Variants in OGG1 observed in about 807,000 individuals in gnomAD.
The protein encoded by OGG1 is N-glycosylase/DNA lyase.
A neutral mutation model predicts 42.3 loss-of-function variants in OGG1; 35 were observed. The ratio of observed to expected loss-of-function variants is 0.83; its 90% CI spans 0.63 to 1.10. The LOEUF (loss-of-function observed/expected upper bound fraction) is 1.10, where lower values mean the gene tolerates loss of function less well. Ranked by LOEUF, OGG1 falls within the 50% of genes least tolerant of loss-of-function variation. The pLI is 0.00. For missense variants in OGG1, 484 were observed against 446.7 expected, an observed-to-expected ratio of 1.08 and a Z score of -0.75; for synonymous variants, 189 against 179.0, an observed-to-expected ratio of 1.06 and a Z score of -0.44.
downstream of OGG1, among the ~76,000 whole-genome samples, chr3:9,770,417 G>C (rs985595505): frequency 6.6e-6 from 1 of 152,076 alleles, no homozygotes; most frequent in African/African-American, 2.4e-5. Context: ...GGGAAGGACC[G>C]GGCAAGACTA....
downstream of OGG1, chr3:9,767,801 A>G: frequency 2.5e-6 from 4 of 1,609,274 alleles, no homozygotes; most frequent in Non-Finnish European, 3.4e-6. Context: ...GAATGGAAGG[A>G]GGAGACTCAG....
At chr3:9,787,723 T>A (rs2078649178) in intron 3 of OGG1, 2 of 1,300,802 alleles carry the variant, frequency 1.5e-6, no homozygotes, top group African/African-American at 3.0e-5. Context: ...TGAACTCTTT[T>A]TCAGATAAAT....
At chr3:9,753,468 C>T (rs1448721229) in intron 3 of OGG1, among the ~76,000 whole-genome samples, 9 of 151,608 alleles carry the variant, frequency 5.9e-5, no homozygotes, top group Admixed American at 2.6e-4. Flanking sequence ...CTGCCTAATA[C>T]GGTGAAACCC....
chr3:9,760,930 T>C (rs900169500), downstream of OGG1: 5 of 1,048,712 alleles, frequency 4.8e-6, no homozygotes, highest in Admixed American at 8.2e-5. Context: ...AGCTACATTA[T>C]CCTTTCTGTT....
At chr3:9,773,142 T>C (rs1168320278) in intron 2 of OGG1, among the ~76,000 whole-genome samples, 2 of 151,654 alleles carry the variant, frequency 1.3e-5, no homozygotes, top group African/African-American at 2.4e-5. Flanking sequence ...GGCAGGAGAA[T>C]TGCTTGAACC....
At chr3:9,763,160 T>C (rs2077970061) in intron 7 of OGG1, 1 of 1,613,820 alleles carries the variant, frequency 6.2e-7, no homozygotes, top group Non-Finnish European at 8.5e-7. Context: ...GAGGTAGAGG[T>C]GGCCCCCACT....
downstream of OGG1, chr3:9,767,826 C>T (rs2078197480): frequency 1.3e-6 from 2 of 1,580,622 alleles, no homozygotes; most frequent in Non-Finnish European, 1.7e-6. Context: ...GCCCAGCCCT[C>T]TGTCTGGGAA....
At chr3:9,764,624 T>G (rs1382241774) in intron 7 of OGG1, among the ~76,000 whole-genome samples, 28 of 129,766 alleles carry the variant, frequency 2.2e-4, no homozygotes, top group African/African-American at 7.6e-4. Flanking sequence ...TTTGTTTTTT[T>G]TTTGTTTTTT....
At chr3:9,760,901 G>C (rs879380741), downstream of OGG1, 5 of 1,321,306 alleles carry the variant, frequency 3.8e-6, no homozygotes, top group Non-Finnish European at 1.0e-6. Flanking sequence ...TACCAGCCCT[G>C]CCTGCTCACT....
At chr3:9,756,067 A>G (rs947373400) in intron 4 of OGG1, among the ~76,000 whole-genome samples, 1 of 152,140 alleles carries the variant, frequency 6.6e-6, no homozygotes, top group African/African-American at 2.4e-5. Context: ...CTGTAATCCC[A>G]GCACTTTGGG....
chr3:9,786,016 G>A (rs1040454023), intron 3 of OGG1, among the ~76,000 whole-genome samples: 3 of 151,392 alleles, frequency 2.0e-5, no homozygotes, highest in South Asian at 4.2e-4. Flanking sequence ...TCGGCTTACT[G>A]CAAGCTCCGC....
At chr3:9,789,684 G>A (rs779064720), downstream of OGG1, 2 of 1,609,238 alleles carry the variant, frequency 1.2e-6, no homozygotes, top group East Asian at 4.5e-5. Flanking sequence ...GAACCTTGAG[G>A]CCCCCTTCTA....
chr3:9,774,799 A>G (rs1008582409), intron 2 of OGG1, among the ~76,000 whole-genome samples: 2 of 152,200 alleles, frequency 1.3e-5, no homozygotes, highest in Non-Finnish European at 2.9e-5. Flanking sequence ...TGGTGGGAAA[A>G]TGATTTGCTA....
downstream of OGG1, chr3:9,760,988 C>A: frequency 1.7e-6 from 1 of 581,956 alleles, no homozygotes; most frequent in Non-Finnish European, 2.9e-6. Context: ...TTGCACTTGC[C>A]ATTGCTTCTG....
In OGG1 at chr3:9,784,820, C is replaced by T. The variant is rs1020734728; in HGVS notation, c.383-2908C>T. ...CGGAGGTTGCAGTGAGCCAAGATTG[C>T]GCCATTGCGCTCCAACCTAAACGAC... On this transcript the variant is annotated intron_variant, in intron 3 of 3. Transcript: ENST00000426518. 6.0e-5 allele frequency among the ~76,000 whole-genome samples: 9 copies of T among 150,840 alleles called. 1 individual carries two copies. Among genetic ancestry groups the T allele is most frequent in the Non-Finnish European group, 1.2e-4 (8 of 67,854 alleles).
downstream of OGG1, among the ~76,000 whole-genome samples, chr3:9,788,948 G>A (rs1223866065): frequency 6.6e-6 from 1 of 151,700 alleles, no homozygotes; most frequent in African/African-American, 2.4e-5. Context: ...AGATCCTCCT[G>A]ACTCAGCCTC....
chr3:9,780,677 C>T (rs1164958260), intron 2 of OGG1: 2 of 944,418 alleles, frequency 2.1e-6, no homozygotes, highest in Non-Finnish European at 3.1e-6. Flanking sequence ...ACAGTCGTGA[C>T]CAAAAAGCAG....
At chr3:9,789,476 C>T (rs377108668), downstream of OGG1, 92 of 1,588,172 alleles carry the variant, frequency 5.8e-5, no homozygotes, top group African/African-American at 7.3e-4. Flanking sequence ...TCTCTTGTTC[C>T]GCATCATGTC....
downstream of OGG1, chr3:9,767,651 C>T (rs1263718349): frequency 1.9e-6 from 3 of 1,613,894 alleles, no homozygotes; most frequent in Non-Finnish European, 2.5e-6. Context: ...AGCACCCAAT[C>T]CTGCCCTGGA....
Sources: allele counts gnomAD v4.1 joint callset (sites outside exome capture counted in the v4.1 genomes callset), GRCh38; gene constraint gnomAD v4.1.1; transcripts MANE v1.5; gene names NCBI Gene and HGNC (gene_info 2026-07-23, HGNC 2026-07-21).